Variants in TRIM75 observed in about 807,000 individuals in gnomAD.
The protein encoded by TRIM75 is tripartite motif containing 75.
chr4:165,054,558 T>C, the TRIM75 span, among the ~76,000 whole-genome samples: 40 of 151,982 alleles, frequency 2.6e-4, no homozygotes, highest in East Asian at 7.0e-3. Context: ...TGAGCCACCG[T>C]GCCTGGCCCA....
chr4:165,054,275 T>C, the TRIM75 span, among the ~76,000 whole-genome samples: 1 of 147,878 alleles, frequency 6.8e-6, no homozygotes, highest in Admixed American at 6.8e-5. Context: ...TATTTTTTTT[T>C]TTTTTTTTTT....
the TRIM75 span, among the ~76,000 whole-genome samples, chr4:165,056,616 T>C: frequency 8.0e-6 from 1 of 124,946 alleles, no homozygotes. Context: ...TTTTTTTTTT[T>C]TTTTTTTTTT....
At chr4:165,054,507 T>A in the TRIM75 span, among the ~76,000 whole-genome samples, 1 of 152,042 alleles carries the variant, frequency 6.6e-6, no homozygotes, top group East Asian at 1.9e-4. Flanking sequence ...GACCTCGTGA[T>A]CCACCCGCCG....
the TRIM75 span, among the ~76,000 whole-genome samples, chr4:165,055,492 T>C: frequency 1.3e-5 from 2 of 151,844 alleles, no homozygotes; most frequent in African/African-American, 4.8e-5. Context: ...CCACGTTGGT[T>C]AGGCTGGTCT....
At chr4:165,059,038 A>C in the TRIM75 span, 1 of 620,788 alleles carries the variant, frequency 1.6e-6, no homozygotes, top group South Asian at 2.0e-5. Context: ...AGCTGCCTCC[A>C]GGAAGGACAG....
chr4:165,060,210 G>C, the TRIM75 span: 1 of 780,936 alleles, frequency 1.3e-6, no homozygotes. Flanking sequence ...GGAGATTGAA[G>C]TGGGGGATAA....
At chr4:165,056,602 C>CT in the TRIM75 span, among the ~76,000 whole-genome samples, 1,630 of 69,912 alleles carry the variant, frequency 0.023, 334 homozygotes, top group Non-Finnish European at 0.028. Flanking sequence ...GTCTCTGTCT[C>CT]TTTTTTTTTT....
chr4:165,056,909 G>T, the TRIM75 span, among the ~76,000 whole-genome samples: 4 of 151,984 alleles, frequency 2.6e-5, no homozygotes, highest in African/African-American at 7.2e-5. Flanking sequence ...GAGCCACTGC[G>T]CCCGGCCAAT....
chr4:165,057,748 G>A, the TRIM75 span, among the ~76,000 whole-genome samples: 2 of 152,068 alleles, frequency 1.3e-5, no homozygotes, highest in East Asian at 3.9e-4. Context: ...TGGCCAGGCT[G>A]GTCTCAAACT....
chr4:165,058,330 A>C, the TRIM75 span, among the ~76,000 whole-genome samples: 2 of 150,970 alleles, frequency 1.3e-5, no homozygotes, highest in African/African-American at 2.5e-5. Flanking sequence ...CATCATGCCC[A>C]ACTAATTTTT....
At chr4:165,055,700 G>T in the TRIM75 span, among the ~76,000 whole-genome samples, 1 of 152,200 alleles carries the variant, frequency 6.6e-6, no homozygotes, top group Non-Finnish European at 1.5e-5. Flanking sequence ...GAAAATAGTG[G>T]CAGGACCTGA....
At chr4:165,058,396 A>G in the TRIM75 span, among the ~76,000 whole-genome samples, 145,282 of 152,180 alleles carry the variant, frequency 0.95, 69,391 homozygotes, top group East Asian at 0.98. Context: ...CTCAGTCTAC[A>G]TTGCCCAGGC....
chr4:165,058,431 G>A, the TRIM75 span, among the ~76,000 whole-genome samples: 1 of 152,190 alleles, frequency 6.6e-6, no homozygotes, highest in African/African-American at 2.4e-5. Flanking sequence ...CAAGACAAAA[G>A]TTTAAAGGGA....
At chr4:165,054,647 G>T in the TRIM75 span, among the ~76,000 whole-genome samples, 325 of 152,308 alleles carry the variant, frequency 2.1e-3, 2 homozygotes, top group Non-Finnish European at 3.6e-3. Flanking sequence ...TGTTCCGCCT[G>T]CCTCGGCCTC....
At chr4:165,059,085 T>C in the TRIM75 span, 1 of 673,528 alleles carries the variant, frequency 1.5e-6, no homozygotes. Context: ...CACTGAAGAG[T>C]ACCCACAGAA....
the TRIM75 span, among the ~76,000 whole-genome samples, chr4:165,054,595 T>G: frequency 6.6e-6 from 1 of 152,102 alleles, no homozygotes; most frequent in African/African-American, 2.4e-5. Flanking sequence ...ATTTTTAGTC[T>G]CACCGTGTTG....
chr4:165,055,308 G>A, the TRIM75 span, among the ~76,000 whole-genome samples: 4 of 143,286 alleles, frequency 2.8e-5, no homozygotes, highest in African/African-American at 1.1e-4. Context: ...TTTTGCGATG[G>A]AGTTTCACTC....
the TRIM75 span, chr4:165,060,097 G>C: frequency 1.3e-6 from 1 of 780,812 alleles, no homozygotes; most frequent in Non-Finnish European, 2.4e-6. Flanking sequence ...AAACGTGTGA[G>C]ATTTACAAAG....
the TRIM75 span, among the ~76,000 whole-genome samples, chr4:165,056,153 C>G: frequency 6.6e-6 from 1 of 151,952 alleles, no homozygotes; most frequent in East Asian, 1.9e-4. Flanking sequence ...GAGACCCCAT[C>G]TCTTTAAAAT....
Sources: gnomAD v4.1 joint callset for allele counts (sites outside exome capture counted in the v4.1 genomes callset) on GRCh38, gnomAD v4.1.1 for gene constraint, MANE v1.5 for transcripts, NCBI Gene and HGNC (gene_info 2026-07-23, HGNC 2026-07-21) for gene names.